MRTFA: variants seen among roughly 807,000 people sequenced by gnomAD.
MRTFA encodes myocardin-related transcription factor A.
In MRTFA, 20 loss-of-function variants were observed where a neutral mutation model predicts 83.5. That is an observed-to-expected ratio of 0.24 (90% confidence interval 0.17 to 0.35). The LOEUF is 0.35. MRTFA is among the 10% of genes least tolerant of loss of function. MRTFA has a pLI of 1.00. For missense variants in MRTFA, 1,200 were observed against 1,224.7 expected (o/e 0.98, Z 0.30); for synonymous variants, 659 against 541.2 (o/e 1.22, Z -3.02).
chr22:40,441,209 AG>A (rs2053267946), intron 4 of MRTFA, among the ~76,000 whole-genome samples: 1 of 152,356 alleles, frequency 6.6e-6, no homozygotes, highest in Admixed American at 6.5e-5. Context: ...GTGTGAACAA[AG>A]GAAGTGTGCA....
intron 3 of MRTFA, among the ~76,000 whole-genome samples, chr22:40,545,052 GGT>G (rs1286747200): frequency 6.6e-6 from 1 of 150,902 alleles, no homozygotes; most frequent in African/African-American, 2.4e-5. Flanking sequence ...TAAAATAACT[GGT>G]ATATATAATT....
rs749105759 is a variant in MRTFA, at chr22:40,410,777, GC to G, written c.*612del. 1.9e-3 allele frequency: 439 copies of G among 228,884 alleles called. 2 individuals are homozygous for G. Among genetic ancestry groups the G allele is most frequent in the East Asian group, 2.8e-3 (46 of 16,318 alleles). The allele number at this position is 228,884 out of a possible 1,614,324, so 14.2% of individuals were successfully genotyped here. ...AGGGAGTTGCACCCATCTCCTGTCC[GC>G]CCCCCCCCAAAAATATATATGTATG... On this transcript the variant is annotated 3_prime_UTR_variant, in exon 15 of 15. Transcript: ENST00000355630.
intron 1 of MRTFA, among the ~76,000 whole-genome samples, chr22:40,598,430 C>T (rs1412306779): frequency 6.6e-6 from 1 of 152,070 alleles, no homozygotes; most frequent in African/African-American, 2.4e-5. Context: ...AATAACTACA[C>T]TTTTATAACA....
At chr22:40,533,745 CA>C in intron 3 of MRTFA, 1 of 522,654 alleles carries the variant, frequency 1.9e-6, no homozygotes, top group South Asian at 1.0e-4. Context: ...GCCTTATGCT[CA>C]AATCAGACTG....
At chr22:40,626,366 C>A (rs2056581795) in intron 1 of MRTFA, among the ~76,000 whole-genome samples, 1 of 152,214 alleles carries the variant, frequency 6.6e-6, no homozygotes, top group African/African-American at 2.4e-5. Flanking sequence ...CAGCTCACTG[C>A]AACCTTCACC....
intron 2 of MRTFA, among the ~76,000 whole-genome samples, chr22:40,579,123 T>C (rs997651315): frequency 6.6e-6 from 1 of 151,880 alleles, no homozygotes; most frequent in Non-Finnish European, 1.5e-5. Flanking sequence ...AGAAGAAGAA[T>C]GGCAGAAAGG....
At chr22:40,425,734 T>C (rs2096336068) in intron 7 of MRTFA, among the ~76,000 whole-genome samples, 1 of 152,196 alleles carries the variant, frequency 6.6e-6, no homozygotes, top group Non-Finnish European at 1.5e-5. Context: ...CAACGGCATC[T>C]GATTTGGGAC....
intron 3 of MRTFA, among the ~76,000 whole-genome samples, chr22:40,475,653 T>C (rs1033386571): frequency 1.3e-5 from 2 of 152,200 alleles, no homozygotes; most frequent in African/African-American, 4.8e-5. Flanking sequence ...CAAATTCAAG[T>C]CTTATGTGGC....
At chr22:40,434,442 C>T (rs993876239) in intron 5 of MRTFA, among the ~76,000 whole-genome samples, 1 of 151,292 alleles carries the variant, frequency 6.6e-6, no homozygotes, top group African/African-American at 2.4e-5. Context: ...AGCTGTGAGG[C>T]TGGGTGTGGT....
At chr22:40,451,071 T>C (rs1249317020) in intron 4 of MRTFA, among the ~76,000 whole-genome samples, 1 of 152,182 alleles carries the variant, frequency 6.6e-6, no homozygotes, top group Non-Finnish European at 1.5e-5. Context: ...TATGTTAAGT[T>C]TAAGGGCTGT....
intron 2 of MRTFA, among the ~76,000 whole-genome samples, chr22:40,575,463 T>A (rs773766617): frequency 6.6e-6 from 1 of 152,194 alleles, no homozygotes; most frequent in Non-Finnish European, 1.5e-5. Context: ...AAATCTTTTA[T>A]AAAATGAGTC....
intron 3 of MRTFA, among the ~76,000 whole-genome samples, chr22:40,474,038 C>T (rs1404286801): frequency 6.6e-6 from 1 of 152,226 alleles, no homozygotes; most frequent in Admixed American, 6.5e-5. Flanking sequence ...TCTCTATTCA[C>T]TCACCTAACA....
At chr22:40,576,570 T>A (rs1260238702) in intron 2 of MRTFA, among the ~76,000 whole-genome samples, 1 of 152,136 alleles carries the variant, frequency 6.6e-6, no homozygotes, top group African/African-American at 2.4e-5. Flanking sequence ...ATTCCTTAGA[T>A]TACCCCTTTA....
At chr22:40,579,928 A>G (rs2055922125) in intron 2 of MRTFA, among the ~76,000 whole-genome samples, 1 of 152,188 alleles carries the variant, frequency 6.6e-6, no homozygotes, top group South Asian at 2.1e-4. Flanking sequence ...AAACATAAAA[A>G]CCCATGCACT....
At chr22:40,618,342 G>A (rs1351120871) in intron 1 of MRTFA, among the ~76,000 whole-genome samples, 25 of 150,634 alleles carry the variant, frequency 1.7e-4, no homozygotes, top group East Asian at 1.6e-3. Context: ...CACTCGCCTC[G>A]GCCTCCCAAA....
intron 3 of MRTFA, among the ~76,000 whole-genome samples, chr22:40,474,453 CAAGT>C (rs1021275479): frequency 6.6e-6 from 1 of 152,170 alleles, no homozygotes; most frequent in Non-Finnish European, 1.5e-5. Flanking sequence ...GTCATAAAAA[CAAGT>C]AAGTTAAGGC....
Position 40,419,146 on chromosome 22 carries a change from A to G in MRTFA, c.1592T>C (p.Val531Ala). 6.3e-7 allele frequency: 1 copy of G among 1,585,014 alleles called. No individual in the cohort carries two copies. Among genetic ancestry groups the G allele is most frequent in the Non-Finnish European group, 8.6e-7 (1 of 1,165,684 alleles). ...ACTGCTGGCCACCGTGGCCACCACCACCTCAGCTGGAGCCAGGCCTGCTGC... is the reference window on the plus strand; with the variant it reads ...ACTGCTGGCCACCGTGGCCACCACCGCCTCAGCTGGAGCCAGGCCTGCTGC... The change falls in exon 12 of 15, where the codon GTG (valine) becomes GCG (alanine). Residue 531 changes from valine (V) to alanine (A), a missense_variant. Transcript: ENST00000355630.
chr22:40,569,170 T>A (rs2055748167), intron 2 of MRTFA: 1 of 153,828 alleles, frequency 6.5e-6, no homozygotes, highest in South Asian at 2.1e-4. Flanking sequence ...AAGGATCATG[T>A]GAGCTCAGGA....
At chr22:40,526,898 G>A (rs563995899) in intron 3 of MRTFA, among the ~76,000 whole-genome samples, 2 of 152,182 alleles carry the variant, frequency 1.3e-5, no homozygotes, top group African/African-American at 4.8e-5. Context: ...TCAGGAGTTT[G>A]AGACCAGCTT....
Sources: gnomAD v4.1 joint callset for allele counts (sites outside exome capture counted in the v4.1 genomes callset) on GRCh38, gnomAD v4.1.1 for gene constraint, MANE v1.5 for transcripts, NCBI Gene and HGNC (gene_info 2026-07-23, HGNC 2026-07-21) for gene names.